Variants in SLC12A9 observed in about 807,000 individuals in gnomAD.
The protein encoded by SLC12A9 is solute carrier family 12 member 9, also known as CCC-interacting protein 1.
SLC12A9 carries 55 observed loss-of-function variants against 66.0 expected under a neutral mutation model. That is an observed-to-expected ratio of 0.83 (90% CI 0.67 to 1.04). SLC12A9 has a LOEUF of 1.04. Ranked by LOEUF, SLC12A9 falls within the 50% of genes least tolerant of loss-of-function variation. The probability of loss-of-function intolerance (pLI) is 0.00; values close to 1 mark genes in which losing one functional copy is unlikely to be tolerated. For missense variants in SLC12A9, 1,061 were observed against 1,241.9 expected (o/e 0.85, Z 2.19); for synonymous variants, 577 against 569.0 (o/e 1.01, Z -0.20).
Position 100,859,937 on chromosome 7 carries a change from C to T in SLC12A9, c.1030C>T (p.Pro344Ser). 2 of 1,611,570 alleles carry T rather than the reference C, an allele frequency of 1.2e-6. No individual in the cohort carries two copies. The highest frequency in any genetic ancestry group is 2.2e-5 in the South Asian group (2 of 91,056). The change falls in exon 8 of 14, where the codon CCA becomes TCA. Residue 344 changes from proline (P) to serine (S), a missense_variant. Coordinates refer to ENST00000354161, the MANE Select transcript of SLC12A9 (RefSeq NM_020246.4). The stretch of plus-strand genomic sequence containing the variant: ...CTTCCGCGCCATCAGCCTGTGGCCC[C>T]CACTGGTGTTGATCGGAATCTATGC... Reference protein sequence around the residue: ...GFFRAISLWPPLVLIGIYATA... With the variant: ...GFFRAISLWPSLVLIGIYATA...
In SLC12A9 at chr7:100,860,002, C is replaced by T; in HGVS notation, c.1095C>T (p.Ala365=). The T allele has an allele frequency of 1.9e-6, 3 of 1,613,856 alleles. No homozygotes were observed. The highest frequency in any genetic ancestry group is 2.5e-6 in the Non-Finnish European group (3 of 1,179,742). The part of the protein sequence containing the change: ...LSASMSSLIG[A]SRILHALARD... ...CGTCCATGAGCTCGCTCATTGGTGC[C>T]TCCCGCATCCTCCATGCCCTGGCCC... Residue 365 remains alanine (A), a synonymous_variant, in exon 8 of 14, where the codon GCC becomes GCT. Transcript: ENST00000354161.
At chr7:100,852,255 AT>A (rs1814114333), upstream of SLC12A9, among the ~76,000 whole-genome samples, 1 of 152,118 alleles carries the variant, frequency 6.6e-6, no homozygotes, top group African/African-American at 2.4e-5. Context: ...CGAAGGGAGG[AT>A]CCCCGCAGCG....
At chr7:100,854,849 A>G in intron 3 of SLC12A9, 95 bp downstream of exon 3, 1 of 1,518,758 alleles carries the variant, frequency 6.6e-7, no homozygotes, top group Non-Finnish European at 8.9e-7. Context: ...CAGGGGCAAG[A>G]CAAGTGTTTT....
rs777752368 is a variant in SLC12A9, at chr7:100,861,869, G to C, written c.1669G>C (p.Gly557Arg). 12 of 1,613,426 alleles carry C rather than the reference G, an allele frequency of 7.4e-6. No homozygotes were observed. The highest frequency in any genetic ancestry group is 2.2e-5 in the South Asian group (2 of 90,994). Residue 557 changes from glycine to arginine, a missense_variant, in exon 12 of 14, where the codon GGG becomes CGG. Transcript: ENST00000354161. This position sits in a 1 kb window ranked among gnomAD's most constrained non-coding sequence, Gnocchi z 5.3. The stretch of plus-strand genomic sequence containing the variant: ...GCGGTTGGCCAACCAGCTTAAGAAG[G>C]GGGGGCTGTATGTGCTGGGCCACGT... ...LLRLANQLKK[G>R]GLYVLGHVTL...
chr7:100,833,320 T>C (rs958875279), intron 1 of SLC12A9, among the ~76,000 whole-genome samples: 1 of 147,916 alleles, frequency 6.8e-6, no homozygotes, highest in Admixed American at 6.9e-5. Context: ...AATAGAAAAA[T>C]TAGCCAGTTA....
At chr7:100,855,428 G>A (rs764196280) in intron 3 of SLC12A9, 8 of 368,576 alleles carry the variant, frequency 2.2e-5, no homozygotes, top group South Asian at 1.5e-4. Flanking sequence ...GGCCTGGCAG[G>A]GCAAGTTTTA....
chr7:100,842,370 G>A (rs1813807726), intron 1 of SLC12A9, among the ~76,000 whole-genome samples: 1 of 152,120 alleles, frequency 6.6e-6, no homozygotes, highest in Non-Finnish European at 1.5e-5. Context: ...GTGAGGACTT[G>A]CCAAGTCAAA....
intron 1 of SLC12A9, among the ~76,000 whole-genome samples, chr7:100,834,812 G>A (rs143228326): frequency 0.012 from 1,796 of 152,308 alleles, 13 homozygotes; most frequent in Non-Finnish European, 0.015. Context: ...GGCAGAGGTT[G>A]TAGTGAGATT....
chr7:100,860,836 T>G, intron 9 of SLC12A9: 1 of 464,614 alleles, frequency 2.2e-6, no homozygotes. Context: ...CACTGACACT[T>G]TGGGGGTACA....
At chr7:100,857,396 G>T in intron 5 of SLC12A9, 1 of 588,526 alleles carries the variant, frequency 1.7e-6, no homozygotes, top group East Asian at 2.8e-5. Context: ...AGAGGAACTT[G>T]TGTTCTAGCT....
At position 100,861,188 on chromosome 7, in the gene SLC12A9, C is replaced by T. The variant is rs1814727380; in HGVS notation, c.1269C>T (p.Val423=). The change falls in exon 10 of 14, where the codon GTC becomes GTT. Residue 423 remains valine (V), a synonymous_variant. Transcript: ENST00000354161. The surrounding 1 kb of genome is among the most constrained non-coding windows in gnomAD (Gnocchi z 5.3). ...ACACACTGGCTGCTGTGGTCACTGTCTTCTACCTGGTGGCCTATGCTGCCG... is the reference window on the plus strand; with the variant it reads ...ACACACTGGCTGCTGTGGTCACTGTTTTCTACCTGGTGGCCTATGCTGCCG... ...KLNTLAAVVT[V]FYLVAYAAVD... 6.2e-7 allele frequency: 1 copy of T among 1,614,206 alleles called. No individual in the cohort carries two copies. Among genetic ancestry groups the T allele is most frequent in the Admixed American group, 1.7e-5 (1 of 60,034 alleles).
At chr7:100,848,532 A>AATAAATAATAC, upstream of SLC12A9, among the ~76,000 whole-genome samples, 2 of 151,490 alleles carry the variant, frequency 1.3e-5, no homozygotes, top group Non-Finnish European at 2.9e-5. Flanking sequence ...ATAAATAATA[A>AATAAATAATAC]ATAAATACAG....
Position 100,862,747 on chromosome 7 carries a change from A to G in SLC12A9, c.1778A>G (p.Gln593Arg). ...TGGCTCAGCCTGGTGGACCGTGCCC[A>G]GGTGAAGGCTTTTGTGGATCTAACC... ...GAWLSLVDRA[Q>R]VKAFVDLTLS... The change falls in exon 13 of 14, where the codon CAG becomes CGG. Residue 593 changes from glutamine to arginine, a missense_variant. Gln to Arg is a conservative substitution (Grantham distance 43, BLOSUM62 1). Transcript: ENST00000354161. 1.2e-6 allele frequency: 2 copies of G among 1,614,184 alleles called. No homozygotes were observed. Among genetic ancestry groups the G allele is most frequent in the Non-Finnish European group, 1.7e-6 (2 of 1,180,032 alleles).
rs750190821 is a variant in SLC12A9, at chr7:100,861,188, CTT to C, written c.1270_1271del (p.Phe424LeufsTer76). The C allele has an allele frequency of 6.1e-5, 98 of 1,614,088 alleles. No homozygotes were observed. Among genetic ancestry groups the C allele is most frequent in the Non-Finnish European group, 3.4e-6 (4 of 1,180,020 alleles). ...ACACACTGGCTGCTGTGGTCACTGT[CTT>C]CTACCTGGTGGCCTATGCTGCCGTG... ...LNTLAAVVTV[F>X]YLVAYAAVDL... On this transcript the variant is annotated frameshift_variant, in exon 10 of 14. Transcript: ENST00000354161. LOFTEE classifies it high-confidence loss of function. This position sits in a 1 kb window ranked among gnomAD's most constrained non-coding sequence, Gnocchi z 5.3.
intron 1 of SLC12A9, among the ~76,000 whole-genome samples, chr7:100,846,544 G>A (rs1447104682): frequency 6.6e-5 from 10 of 151,400 alleles, no homozygotes; most frequent in African/African-American, 2.4e-4. Context: ...TCTAGCCTGG[G>A]CGACAAAGTG....
chr7:100,836,888 CG>C, intron 1 of SLC12A9, among the ~76,000 whole-genome samples: 1 of 146,292 alleles, frequency 6.8e-6, no homozygotes, highest in South Asian at 2.3e-4. Context: ...GTGAGGTGGG[CG>C]GATCTCCAGG....
chr7:100,848,430 A>G (rs897412343), upstream of SLC12A9, among the ~76,000 whole-genome samples: 4 of 151,772 alleles, frequency 2.6e-5, no homozygotes, highest in Non-Finnish European at 4.4e-5. Context: ...CCTGGGAGAT[A>G]GAGGTTGCTG....
chr7:100,865,365 A>C lies in SLC12A9; in HGVS notation c.1859-354A>C, dbSNP rs1402140773. 2.0e-6 allele frequency: 3 copies of C among 1,535,956 alleles called. No homozygotes were observed. The Admixed American group carries it at 5.9e-5, about 30-fold the overall frequency. On this transcript the variant is annotated intron_variant, in intron 13 of 13. Transcript: ENST00000354161. ...GTGTCTGGTTTGCACAACAGAGTCA[A>C]ACTCGCATCCCCTGCCGTGAAACAG...
At chr7:100,839,323 C>CAA in intron 1 of SLC12A9, among the ~76,000 whole-genome samples, 2 of 140,028 alleles carry the variant, frequency 1.4e-5, no homozygotes, top group African/African-American at 5.2e-5. Context: ...GACTCCGTCT[C>CAA]AAAAAAAAAA....
Sources: allele counts gnomAD v4.1 joint callset (sites outside exome capture counted in the v4.1 genomes callset), GRCh38; gene constraint gnomAD v4.1.1; non-coding constraint Gnocchi (gnomAD v3.1); transcripts MANE v1.5; gene names NCBI Gene and HGNC (gene_info 2026-07-23, HGNC 2026-07-21).